The following MNX1 variants were observed in gnomAD, a reference collection of about 807,000 sequenced individuals.
The protein encoded by MNX1 is motor neuron and pancreas homeobox 1, also known as motor neuron and pancreas homeobox protein 1.
Under a neutral mutation model 17.3 loss-of-function variants are expected in MNX1, and 2 were observed. The observed-to-expected ratio is 0.12, with a 90% CI of 0.05 to 0.36. MNX1 has a LOEUF of 0.36. Among genes scored for constraint, MNX1 ranks in the 10% least tolerant of loss-of-function variants. The pLI, the probability that MNX1 is intolerant of heterozygous loss-of-function variation, is 1.00. For synonymous variants in MNX1, 306 were observed against 283.1 expected (o/e 1.08, Z -0.81); for missense variants, 556 against 564.7 (o/e 0.98, Z 0.16).
chr7:157,004,858 G>C lies in MNX1; in HGVS notation c.*662C>G, dbSNP rs1393035014. The stretch of plus-strand genomic sequence containing the variant: ...CCCAAAACTCGTGCACGCTGATCCA[G>C]TACAAAACCAATTTATTTTACATTC... On this transcript the variant is annotated 3_prime_UTR_variant, in exon 3 of 3. Coordinates refer to ENST00000252971, the MANE Select transcript of MNX1 (RefSeq NM_005515.4). The surrounding 1 kb of genome is among the most constrained non-coding windows in gnomAD (Gnocchi z 6.2). 5.5e-6 allele frequency: 1 copy of C among 181,872 alleles called. No individual in the cohort carries two copies. Among genetic ancestry groups the C allele is most frequent in the Admixed American group, 6.3e-5 (1 of 15,916 alleles). The allele number at this position is 181,872 out of a possible 1,614,324, so 11.3% of individuals were successfully genotyped here. A position where few individuals can be genotyped will look rare whatever the true frequency, so the allele number is the denominator to read the frequency against.
rs781217883 is a variant in MNX1 at position 157,010,204 on chromosome 7, CCCGCCG to C, written c.141_146del (p.Gly48_Gly49del). Reference sequence around the variant, plus strand: ...AGCTGCCGCTAGTCCCGCCGCTCGCCCCGCCGCCGCCGCCGCCACCTCCGGTGCCAG... The same window carrying C: ...AGCTGCCGCTAGTCCCGCCGCTCGCCCCGCCGCCGCCACCTCCGGTGCCAG... On this transcript the variant is annotated inframe_deletion, in exon 1 of 3. Coordinates refer to ENST00000252971, the MANE Select transcript of MNX1 (RefSeq NM_005515.4). 5 of 1,228,752 alleles carry C rather than the reference CCCGCCG, an allele frequency of 4.1e-6. No homozygotes were observed. Among genetic ancestry groups the C allele is most frequent in the African/African-American group, 1.6e-5 (1 of 62,602 alleles). 76.1% of individuals were successfully genotyped at this position (1,228,752 alleles called of 1,614,324 possible). A position where few individuals can be genotyped will look rare whatever the true frequency, so the allele number is the denominator to read the frequency against.
At chr7:157,007,324 AGAGG>A (rs1228155374) in intron 1 of MNX1, among the ~76,000 whole-genome samples, 1 of 150,824 alleles carries the variant, frequency 6.6e-6, no homozygotes, top group Non-Finnish European at 1.5e-5. Context: ...AGAGAGGGAA[AGAGG>A]GAGGGAGGAA....
At position 157,005,409 on chromosome 7, in the gene MNX1, G is replaced by T; in HGVS notation, c.*111C>A. On this transcript the variant is annotated 3_prime_UTR_variant, in exon 3 of 3. Coordinates refer to ENST00000252971, the MANE Select transcript of MNX1 (RefSeq NM_005515.4). ...TGGGCGAGGGGTCCATGGGGCGGCG[G>T]TCGAGCCTGCTCTCGGGGCCGGGCC... is the stretch of plus-strand genomic sequence containing the variant. 1.3e-6 allele frequency: 1 copy of T among 766,462 alleles called. No homozygotes were observed. Among genetic ancestry groups the T allele is most frequent in the Non-Finnish European group, 1.7e-6 (1 of 584,546 alleles). 47.5% of individuals were successfully genotyped at this position (766,462 alleles called of 1,614,324 possible). A position where few individuals can be genotyped will look rare whatever the true frequency, so the allele number is the denominator to read the frequency against.
chr7:157,005,573 A>G lies in MNX1; in HGVS notation c.1153T>C (p.Ser385Pro), dbSNP rs752672041. The G allele has an allele frequency of 6.3e-7, 1 of 1,586,554 alleles. No individual in the cohort carries two copies. Among genetic ancestry groups the G allele is most frequent in the Non-Finnish European group, 8.6e-7 (1 of 1,169,578 alleles). The change falls in exon 3 of 3, where the codon TCG (serine) becomes CCG (proline). Residue 385 changes from serine (S) to proline (P), a missense_variant. Physicochemically the swap from Ser to Pro is moderately conservative, Grantham distance 74. This residue lies in a region of MNX1 where 178 missense variants were observed against 155.2 expected (regional missense o/e 1.15). Coordinates refer to ENST00000252971, the MANE Select transcript of MNX1 (RefSeq NM_005515.4). ...CGCGGGGGCGGCGAGTCGTCCTCCG[A>G]GGAGCAGTCGGAGGAGGCGGCGTGG... ...SVHAASSDCS[S>P]EDDSPPPRPS...
At chr7:157,009,007 C>T in intron 1 of MNX1, 1 of 1,537,108 alleles carries the variant, frequency 6.5e-7, no homozygotes, top group South Asian at 1.2e-5. Flanking sequence ...CCTTGTTGGG[C>T]GCCCAGGATT....
rs544223072 is a variant in MNX1, at chr7:157,005,459, C to T, written c.*61G>A. On this transcript the variant is annotated 3_prime_UTR_variant, in exon 3 of 3. Coordinates refer to ENST00000252971, the MANE Select transcript of MNX1 (RefSeq NM_005515.4). ...CGGGTGGGTGCGGGCGCCGGGGCCT[C>T]CGGGAGAAGCCGCCGGCCGGGGCGC... 927 of 1,190,740 alleles carry T rather than the reference C, an allele frequency of 7.8e-4. 4 individuals carry two copies. The highest frequency in any genetic ancestry group is 6.8e-3 in the Middle Eastern group (21 of 3,084). The allele number at this position is 1,190,740 out of a possible 1,614,324, so 73.8% of individuals were successfully genotyped here. A position where few individuals can be genotyped will look rare whatever the true frequency, so the allele number is the denominator to read the frequency against.
rs1206989909 is a variant in MNX1, at chr7:157,008,744, G to A, written c.691+916C>T. 3 of 541,842 alleles carry A rather than the reference G, an allele frequency of 5.5e-6. No individual in the cohort carries two copies. In the South Asian group the frequency reaches 8.3e-5, roughly 15 times the overall value. The allele number at this position is 541,842 out of a possible 1,614,324, so 33.6% of individuals were successfully genotyped here. ...GGTGTTCGGCGGCTGAAAGCGTTGA[G>A]CCATATACATCTGCTCGGCCCGACT... On this transcript the variant is annotated intron_variant, in intron 1 of 2. Coordinates refer to ENST00000252971, the MANE Select transcript of MNX1 (RefSeq NM_005515.4).
At chr7:157,008,947 G>C (rs1474874713) in intron 1 of MNX1, 1 of 1,523,002 alleles carries the variant, frequency 6.6e-7, no homozygotes, top group Admixed American at 2.0e-5. Context: ...CGGCTCTGGG[G>C]TGGGGAGAAC....
Position 157,005,823 on chromosome 7 carries a change from C to G in MNX1, c.903G>C (p.Lys301Asn), listed in dbSNP as rs1805586721. The stretch of plus-strand genomic sequence containing the variant: ...CTTCCTGCGCCGCCTGCTCTTTGGC[C>G]TTTTTGCTGCGTTTCCATTTCATCC... ...NRRMKWKRSK[K>N]AKEQAAQEAE... The change falls in exon 3 of 3, where the codon AAG becomes AAC. Residue 301 changes from lysine (K) to asparagine (N), a missense_variant. By Grantham distance (94) the Lys-to-Asn change is moderately conservative. Coordinates refer to ENST00000252971, the MANE Select transcript of MNX1 (RefSeq NM_005515.4). 6.2e-7 allele frequency: 1 copy of G among 1,612,434 alleles called. No individual in the cohort carries two copies. The highest frequency in any genetic ancestry group is 1.3e-5 in the African/African-American group (1 of 75,046).
In MNX1 at chr7:157,006,335, G is replaced by A. The variant is rs1024717533; in HGVS notation, c.852+144C>T. On this transcript the variant is annotated intron_variant, in intron 2 of 2. Coordinates refer to ENST00000252971, the MANE Select transcript of MNX1 (RefSeq NM_005515.4). This position sits in a 1 kb window ranked among gnomAD's most constrained non-coding sequence, Gnocchi z 6.3. ...CGAAGCTACTGAATCGGCGCTCTGG[G>A]CACCTTAGATGAACCCGTGCGCCCG... The A allele has an allele frequency of 2.1e-5, 18 of 878,004 alleles. No homozygotes were observed. The highest frequency in any genetic ancestry group is 3.5e-5 in the South Asian group (2 of 57,346). 54.4% of individuals were successfully genotyped at this position (878,004 alleles called of 1,614,324 possible). A position where few individuals can be genotyped will look rare whatever the true frequency, so the allele number is the denominator to read the frequency against.
At position 157,006,352 on chromosome 7, in the gene MNX1, G is replaced by T. The variant is rs954762439; in HGVS notation, c.852+127C>A. 3.6e-6 allele frequency: 4 copies of T among 1,106,458 alleles called. No homozygotes were observed. Among genetic ancestry groups the T allele is most frequent in the African/African-American group, 3.1e-5 (2 of 63,892 alleles). The allele number at this position is 1,106,458 out of a possible 1,614,324, so 68.5% of individuals were successfully genotyped here. Reference sequence around the variant, plus strand: ...CGCTCTGGGCACCTTAGATGAACCCGTGCGCCCGCCGTCTGAACCGTCGAG... The same window carrying T: ...CGCTCTGGGCACCTTAGATGAACCCTTGCGCCCGCCGTCTGAACCGTCGAG... On this transcript the variant is annotated intron_variant, in intron 2 of 2. Coordinates refer to ENST00000252971, the MANE Select transcript of MNX1 (RefSeq NM_005515.4). The surrounding 1 kb of genome is among the most constrained non-coding windows in gnomAD (Gnocchi z 6.3).
chr7:157,009,917 C>A lies in MNX1; in HGVS notation c.434G>T (p.Gly145Val), dbSNP rs1351987257. 3.2e-6 allele frequency: 4 copies of A among 1,266,462 alleles called. No individual in the cohort carries two copies. Among genetic ancestry groups the A allele is most frequent in the South Asian group, 4.5e-5 (2 of 44,174 alleles). 78.5% of individuals were successfully genotyped at this position (1,266,462 alleles called of 1,614,324 possible). ...CGGGAGGCCCGCGCCGCCCTGCGCGCCCCCAGGGTGCAGCCCCAGCGCCAG... is the reference window on the plus strand; with the variant it reads ...CGGGAGGCCCGCGCCGCCCTGCGCGACCCCAGGGTGCAGCCCCAGCGCCAG... The part of the protein sequence containing the change: ...GGLALGLHPG[G>V]AQGGAGLPAQ... The change falls in exon 1 of 3, where the codon GGC becomes GTC. Residue 145 changes from glycine (G) to valine (V), a missense_variant. Physicochemically the swap from Gly to Val is moderately radical, Grantham distance 109. Around this residue, in one of 7 missense-constraint regions of MNX1, gnomAD observed 210 missense variants for 211.3 expected, o/e 0.99. Coordinates refer to ENST00000252971, the MANE Select transcript of MNX1 (RefSeq NM_005515.4).
At chr7:157,009,535 G>A in intron 1 of MNX1, 125 bp downstream of exon 1, 11 of 1,489,546 alleles carry the variant, frequency 7.4e-6, no homozygotes, top group South Asian at 1.3e-5. Flanking sequence ...GGGCAGAGCC[G>A]AGGCGGCTTC....
chr7:157,007,517 C>T (rs1427556939), intron 1 of MNX1: 2 of 152,270 alleles, frequency 1.3e-5, no homozygotes, highest in Non-Finnish European at 2.9e-5. Context: ...AGGGGCAAGG[C>T]CTGAGGAGAC....
intron 1 of MNX1, chr7:157,009,059 T>C: frequency 6.5e-7 from 1 of 1,536,836 alleles, no homozygotes; most frequent in East Asian, 2.4e-5. Context: ...CCATAGCTGG[T>C]TCAAGCCAGG....
At position 157,006,294 on chromosome 7, in the gene MNX1, A is replaced by G. The variant is rs1432194919; in HGVS notation, c.852+185T>C. 2 of 631,644 alleles carry G rather than the reference A, an allele frequency of 3.2e-6. No individual in the cohort carries two copies. Among genetic ancestry groups the G allele is most frequent in the East Asian group, 5.6e-5 (2 of 36,016 alleles). 39.1% of individuals were successfully genotyped at this position (631,644 alleles called of 1,614,324 possible). A position where few individuals can be genotyped will look rare whatever the true frequency, so the allele number is the denominator to read the frequency against. On this transcript the variant is annotated intron_variant, in intron 2 of 2. Coordinates refer to ENST00000252971, the MANE Select transcript of MNX1 (RefSeq NM_005515.4). The surrounding 1 kb of genome is among the most constrained non-coding windows in gnomAD (Gnocchi z 6.3). The stretch of plus-strand genomic sequence containing the variant: ...TGAAAGGAGGGGTGGTTAAGTGCTG[A>G]TTCTTGGGCCCCACCCGAAGCTACT...
chr7:157,009,585 G>A (rs993025745), intron 1 of MNX1, 75 bp downstream of exon 1: 6 of 1,562,324 alleles, frequency 3.8e-6, no homozygotes, highest in Middle Eastern at 2.1e-4. Context: ...AGCGCAGAGA[G>A]GGGCAGGCGG....
intron 1 of MNX1, chr7:157,008,952 G>A (rs1296614413): frequency 3.9e-6 from 6 of 1,527,896 alleles, no homozygotes; most frequent in East Asian, 2.4e-5. Context: ...CTGGGGTGGG[G>A]AGAACAGGGG....
rs533802404 is a variant in MNX1, at chr7:157,010,655, C to T, written c.-305G>A. The T allele has an allele frequency of 6.3e-5, 14 of 221,284 alleles. No individual in the cohort carries two copies. In the South Asian group the frequency reaches 1.8e-3, roughly 29 times the overall value. 13.7% of individuals were successfully genotyped at this position (221,284 alleles called of 1,614,324 possible). A position where few individuals can be genotyped will look rare whatever the true frequency, so the allele number is the denominator to read the frequency against. On this transcript the variant is annotated 5_prime_UTR_variant, in exon 1 of 3. Transcript: ENST00000252971. ...CAGGCGACCGCGCGGAGGCCGCTGC[C>T]GCCGTGGTGGGGACCCGCGCCCCTC...
Sources: gnomAD v4.1 joint callset for allele counts (sites outside exome capture counted in the v4.1 genomes callset) on GRCh38, gnomAD v4.1.1 for gene constraint, gnomAD v4.1.1 regional missense constraint, Gnocchi (gnomAD v3.1) non-coding constraint, MANE v1.5 for transcripts, NCBI Gene and HGNC (gene_info 2026-07-23, HGNC 2026-07-21) for gene names.